METAP1D: variants seen among roughly 807,000 people sequenced by gnomAD.
The protein encoded by METAP1D is methionyl aminopeptidase type 1D, mitochondrial, also known as methionine aminopeptidase 1D, mitochondrial.
A neutral mutation model predicts 40.5 loss-of-function variants in METAP1D; 31 were observed. The observed-to-expected ratio is 0.77, with a 90% confidence interval of 0.58 to 1.03. The LOEUF (loss-of-function observed/expected upper bound fraction) is 1.03, where lower values mean the gene tolerates loss of function less well. Ranked by LOEUF, METAP1D falls within the 50% of genes least tolerant of loss-of-function variation. The probability of loss-of-function intolerance (pLI) is 0.00; values close to 1 mark genes in which losing one functional copy is unlikely to be tolerated. For synonymous variants in METAP1D, 151 were observed against 146.4 expected, an observed-to-expected ratio of 1.03 and a Z score of -0.22; for missense variants, 411 against 420.7, an observed-to-expected ratio of 0.98 and a Z score of 0.20.
rs13404067 is a variant in METAP1D at position 172,047,636 on chromosome 2, G to A, written c.41-13862G>A. ...TTTCATAGAGATGCGGTTTCACCAT[G>A]TTGCCCCAGGCTGGCCTTGAACTCC... On this transcript the variant is annotated intron_variant, in intron 1 of 9. Coordinates refer to ENST00000315796, the MANE Select transcript of METAP1D (RefSeq NM_199227.3). 1.5e-3 allele frequency among the ~76,000 whole-genome samples: 228 copies of A among 152,210 alleles called. 3 individuals carry two copies. Among genetic ancestry groups the A allele is most frequent in the African/African-American group, 5.1e-3 (213 of 41,520 alleles).
chr2:172,036,086 G>C (rs2105423898), intron 1 of METAP1D, among the ~76,000 whole-genome samples: 1 of 152,110 alleles, frequency 6.6e-6, no homozygotes, highest in East Asian at 2.0e-4. Flanking sequence ...GGGAGGCCAA[G>C]GTGGGCGGAT....
intron 1 of METAP1D, among the ~76,000 whole-genome samples, chr2:172,035,837 A>G (rs2105423353): frequency 6.6e-6 from 1 of 151,166 alleles, no homozygotes; most frequent in Non-Finnish European, 1.5e-5. Context: ...TTTTAGAGAC[A>G]GAGTCTTCCT....
At chr2:172,064,822 GTA>G (rs2105480499) in intron 3 of METAP1D, among the ~76,000 whole-genome samples, 1 of 152,044 alleles carries the variant, frequency 6.6e-6, no homozygotes, top group African/African-American at 2.4e-5. Context: ...TAAACATAAT[GTA>G]TATATACAAA....
intron 1 of METAP1D, among the ~76,000 whole-genome samples, chr2:172,023,611 A>G (rs914295570): frequency 2.0e-5 from 3 of 152,192 alleles, no homozygotes; most frequent in Non-Finnish European, 2.9e-5. Context: ...ATTCGTGCAT[A>G]TCATGGTATG....
intron 1 of METAP1D, among the ~76,000 whole-genome samples, chr2:172,041,726 T>TTATATATATATATATATATATA (rs67708838): frequency 4.3e-4 from 16 of 37,564 alleles, no homozygotes; most frequent in South Asian, 9.3e-4. Context: ...TCTAATTATT[T>TTATATATATATATATATATATA]TATATATATA....
At chr2:172,029,016 G>A (rs1559000403) in intron 1 of METAP1D, among the ~76,000 whole-genome samples, 1 of 152,150 alleles carries the variant, frequency 6.6e-6, no homozygotes, top group Non-Finnish European at 1.5e-5. Context: ...GAATTCAGTA[G>A]ACATGCATGG....
In METAP1D at chr2:172,080,511, A is replaced by G. The variant is rs1483548982; in HGVS notation, c.*105A>G. 1 of 1,220,550 alleles carries G rather than the reference A, an allele frequency of 8.2e-7. No homozygotes were observed. The highest frequency in any genetic ancestry group is 1.9e-5 in the Admixed American group (1 of 53,964). 75.6% of individuals were successfully genotyped at this position (1,220,550 alleles called of 1,614,324 possible). On this transcript the variant is annotated 3_prime_UTR_variant, in exon 10 of 10. Coordinates refer to ENST00000315796, the MANE Select transcript of METAP1D (RefSeq NM_199227.3). Reference sequence around the variant, plus strand: ...ACAGGGAAATGACCGGTGGTGCGGTAACCTGCGTGGCTCCTGATAGCGTTT... The same window carrying G: ...ACAGGGAAATGACCGGTGGTGCGGTGACCTGCGTGGCTCCTGATAGCGTTT...
intron 6 of METAP1D, among the ~76,000 whole-genome samples, chr2:172,072,080 T>C (rs1458441508): frequency 1.3e-5 from 2 of 152,200 alleles, no homozygotes; most frequent in Non-Finnish European, 2.9e-5. Flanking sequence ...TTTTTGACAG[T>C]TTTAAATTAT....
chr2:172,058,569 G>A (rs1424995622), intron 1 of METAP1D, among the ~76,000 whole-genome samples: 1 of 151,804 alleles, frequency 6.6e-6, no homozygotes, highest in African/African-American at 2.4e-5. Flanking sequence ...TAGAGAGACA[G>A]GAGTCTTGCT....
intron 7 of METAP1D, 80 bp downstream of exon 7, chr2:172,077,974 C>T: frequency 3.4e-6 from 2 of 593,392 alleles, no homozygotes; most frequent in South Asian, 1.9e-5. Context: ...CTTCCTCTGA[C>T]TTTGAATCTG....
chr2:172,069,424 A>G (rs1690369441), intron 5 of METAP1D, among the ~76,000 whole-genome samples: 1 of 152,218 alleles, frequency 6.6e-6, no homozygotes, highest in African/African-American at 2.4e-5. Flanking sequence ...TGAATGAAAT[A>G]TAAGAATATA....
chr2:172,030,043 G>A (rs1223998206), intron 1 of METAP1D, among the ~76,000 whole-genome samples: 3 of 151,320 alleles, frequency 2.0e-5, no homozygotes, highest in African/African-American at 7.3e-5. Flanking sequence ...GACATGAGCC[G>A]CTGCACCCGG....
intron 1 of METAP1D, among the ~76,000 whole-genome samples, chr2:172,022,092 C>T (rs1386348610): frequency 6.6e-6 from 1 of 152,114 alleles, no homozygotes; most frequent in African/African-American, 2.4e-5. Context: ...CTGGTGGCGC[C>T]TATATTTCAT....
intron 1 of METAP1D, among the ~76,000 whole-genome samples, chr2:172,000,488 C>T (rs1387668765): frequency 6.6e-6 from 1 of 152,108 alleles, no homozygotes; most frequent in Non-Finnish European, 1.5e-5. Context: ...GAAAGGATGT[C>T]TGGGTAGTTC....
chr2:172,015,772 C>T (rs1017244336), intron 1 of METAP1D, among the ~76,000 whole-genome samples: 39 of 152,142 alleles, frequency 2.6e-4, no homozygotes, highest in African/African-American at 8.9e-4. Context: ...CTAGCCTGGG[C>T]AACATAGTGA....
chr2:172,041,458 CAAAAA>C (rs782636305), intron 1 of METAP1D, among the ~76,000 whole-genome samples: 1 of 94,884 alleles, frequency 1.1e-5, no homozygotes, highest in Non-Finnish European at 2.5e-5. Flanking sequence ...GACTCTGTAT[CAAAAA>C]AAAAAAAAAA....
Position 172,042,851 on chromosome 2 carries a change from A to ATATGTACACATATACGTATGTGTGTG in METAP1D, c.41-18644_41-18643insGTACACATATACGTATGTGTGTGTAT, listed in dbSNP as rs1689626681. The stretch of plus-strand genomic sequence containing the variant: ...TATGTACACATATACGTGTGTGTGT[A>ATATGTACACATATACGTATGTGTGTG]TATATGTACATATATGTGTATGTGT... On this transcript the variant is annotated intron_variant, in intron 1 of 9. Transcript: ENST00000315796. 9.0e-4 allele frequency among the ~76,000 whole-genome samples: 6 copies of ATATGTACACATATACGTATGTGTGTG among 6,696 alleles called. 2 individuals are homozygous for ATATGTACACATATACGTATGTGTGTG. The highest frequency in any genetic ancestry group is 0.013 in the South Asian group (2 of 158). The allele number at this position is 6,696 out of a possible 152,430, so 4.4% of individuals were successfully genotyped here.
intron 7 of METAP1D, 59 bp from the exon 8 acceptor site, chr2:172,079,156 T>G (rs1373137174): frequency 6.7e-7 from 1 of 1,500,520 alleles, no homozygotes; most frequent in Non-Finnish European, 9.2e-7. Flanking sequence ...CTGTAATCTG[T>G]TTTTTTTTTC....
intron 1 of METAP1D, among the ~76,000 whole-genome samples, chr2:172,009,641 GAA>G (rs1688665292): frequency 1.3e-5 from 2 of 152,296 alleles, no homozygotes; most frequent in African/African-American, 4.8e-5. Context: ...TGGAATTTAA[GAA>G]ACTCTTACTA....
Sources: allele counts gnomAD v4.1 joint callset (sites outside exome capture counted in the v4.1 genomes callset), GRCh38; gene constraint gnomAD v4.1.1; transcripts MANE v1.5; gene names NCBI Gene and HGNC (gene_info 2026-07-23, HGNC 2026-07-21).